Variants in RERG observed in about 807,000 individuals in gnomAD.
RERG encodes RAS like estrogen regulated growth inhibitor.
Under a neutral mutation model 23.2 loss-of-function variants are expected in RERG, and 25 were observed. The observed-to-expected ratio is 1.08, with a 90% CI of 0.79 to 1.50. The LOEUF is 1.50. Ranked by LOEUF, RERG falls within the 40% of genes most tolerant of loss-of-function variation. RERG has a pLI of 0.00. For missense variants in RERG, 253 were observed against 250.1 expected (o/e 1.01, Z -0.08); for synonymous variants, 81 against 89.1 (o/e 0.91, Z 0.51).
chr12:15,169,138 A>G (rs1215832722), intron 2 of RERG, among the ~76,000 whole-genome samples: 1 of 152,238 alleles, frequency 6.6e-6, no homozygotes, highest in East Asian at 1.9e-4. Context: ...AACCTACAAG[A>G]TCGAGGAGGT....
intron 2 of RERG, among the ~76,000 whole-genome samples, chr12:15,201,698 T>C (rs1865219346): frequency 6.7e-6 from 1 of 150,328 alleles, no homozygotes; most frequent in Non-Finnish European, 1.5e-5. Flanking sequence ...AATTAGCTAA[T>C]ATTAATTATT....
chr12:15,197,908 A>C (rs953519388), intron 2 of RERG, among the ~76,000 whole-genome samples: 3 of 152,096 alleles, frequency 2.0e-5, no homozygotes, highest in Non-Finnish European at 4.4e-5. Context: ...TTGGTTGCTG[A>C]GTCCCTTTTG....
intron 2 of RERG, among the ~76,000 whole-genome samples, chr12:15,200,630 T>C (rs1490780075): frequency 6.6e-6 from 1 of 151,998 alleles, no homozygotes; most frequent in Non-Finnish European, 1.5e-5. Context: ...CTTCCAGTTA[T>C]TTGATTCACA....
intron 2 of RERG, among the ~76,000 whole-genome samples, chr12:15,172,622 T>C (rs1418688102): frequency 6.6e-6 from 1 of 152,106 alleles, no homozygotes; most frequent in Non-Finnish European, 1.5e-5. Flanking sequence ...GTTTACCACA[T>C]CCTTGCCAAT....
intron 2 of RERG, among the ~76,000 whole-genome samples, chr12:15,123,914 C>A (rs1200145745): frequency 6.6e-6 from 1 of 152,088 alleles, no homozygotes; most frequent in African/African-American, 2.4e-5. Flanking sequence ...GCCTGAACAA[C>A]CCCTGCCTTT....
chr12:15,112,708 C>T lies in RERG; in HGVS notation c.119-1291G>A, dbSNP rs115824545. On this transcript the variant is annotated intron_variant, in intron 3 of 4. Coordinates refer to ENST00000256953, the MANE Select transcript of RERG (RefSeq NM_032918.3). ...AGTGTAAGTAAGTAAAACAAAGGAA[C>T]ATGTAAAAGTAAAATTTAATAAAAG... 6.7e-3 allele frequency among the ~76,000 whole-genome samples: 1,013 copies of T among 152,128 alleles called. 10 individuals are homozygous for T. The highest frequency in any genetic ancestry group is 0.023 in the African/African-American group (970 of 41,512).
At chr12:15,111,531 G>A in intron 3 of RERG, 114 bp from the exon 4 acceptor site, 2 of 771,624 alleles carry the variant, frequency 2.6e-6, no homozygotes, top group Middle Eastern at 2.5e-4. Flanking sequence ...ACAGCATAAG[G>A]AACTGTGTAG....
chr12:15,172,031 T>C (rs550289608), intron 2 of RERG, among the ~76,000 whole-genome samples: 1 of 152,312 alleles, frequency 6.6e-6, no homozygotes, highest in South Asian at 2.1e-4. Flanking sequence ...TACAATTCAA[T>C]GGTTTTAGTA....
chr12:15,115,490 G>A (rs902624286), intron 3 of RERG, among the ~76,000 whole-genome samples: 4 of 151,952 alleles, frequency 2.6e-5, no homozygotes, highest in Non-Finnish European at 4.4e-5. Context: ...GGGATGAAAG[G>A]GAAAAGAAAG....
At chr12:15,162,704 CA>C (rs1864632332) in intron 2 of RERG, among the ~76,000 whole-genome samples, 1 of 152,182 alleles carries the variant, frequency 6.6e-6, no homozygotes, top group South Asian at 2.1e-4. Flanking sequence ...TTTAAAAACA[CA>C]ACCAAATAAA....
intron 2 of RERG, among the ~76,000 whole-genome samples, chr12:15,152,680 G>A (rs1864462116): frequency 6.6e-6 from 1 of 152,152 alleles, no homozygotes; most frequent in Non-Finnish European, 1.5e-5. Context: ...GTTTCGCATG[G>A]ACTAGGAATA....
chr12:15,111,997 C>T (rs1863628309), intron 3 of RERG, among the ~76,000 whole-genome samples: 2 of 152,132 alleles, frequency 1.3e-5, no homozygotes, highest in Non-Finnish European at 1.5e-5. Context: ...TCTGAAGATT[C>T]CATTTTATTT....
chr12:15,182,699 T>A (rs559102338), intron 2 of RERG, among the ~76,000 whole-genome samples: 1 of 152,340 alleles, frequency 6.6e-6, no homozygotes, highest in African/African-American at 2.4e-5. Context: ...TGATATAAAC[T>A]GTTCATCTTT....
intron 2 of RERG, among the ~76,000 whole-genome samples, chr12:15,164,393 A>G (rs1005765280): frequency 3.3e-5 from 5 of 152,166 alleles, no homozygotes; most frequent in African/African-American, 9.7e-5. Flanking sequence ...TTCTTTTGAG[A>G]CTTTGACAGC....
At chr12:15,143,367 A>T (rs1265530641) in intron 2 of RERG, among the ~76,000 whole-genome samples, 6 of 151,262 alleles carry the variant, frequency 4.0e-5, no homozygotes, top group Admixed American at 3.3e-4. Flanking sequence ...TGTACATATA[A>T]TATATACACA....
intron 2 of RERG, among the ~76,000 whole-genome samples, chr12:15,205,244 C>T (rs913838341): frequency 1.3e-5 from 2 of 151,886 alleles, no homozygotes; most frequent in African/African-American, 4.8e-5. Context: ...TGGACTTCTC[C>T]CACAAATATT....
At chr12:15,114,484 A>T (rs1438740820) in intron 3 of RERG, 1 of 152,202 alleles carries the variant, frequency 6.6e-6, no homozygotes, top group African/African-American at 2.4e-5. Flanking sequence ...ATATCAAATG[A>T]TGTTCTACCT....
chr12:15,213,996 A>G (rs73065460), intron 2 of RERG, among the ~76,000 whole-genome samples: 4,575 of 130,966 alleles, frequency 0.035, 77 homozygotes, highest in Middle Eastern at 0.043. Flanking sequence ...CAGAGAAAGT[A>G]TGTGTGTGTG....
chr12:15,121,994 C>T (rs1272236100), intron 2 of RERG, among the ~76,000 whole-genome samples: 3 of 151,498 alleles, frequency 2.0e-5, no homozygotes, highest in Admixed American at 6.6e-5. Flanking sequence ...CATTTTCTTA[C>T]ACTTGTAGTA....
Sources: gnomAD v4.1 joint callset for allele counts (sites outside exome capture counted in the v4.1 genomes callset) on GRCh38, gnomAD v4.1.1 for gene constraint, MANE v1.5 for transcripts, NCBI Gene and HGNC (gene_info 2026-07-23, HGNC 2026-07-21) for gene names.